CFAP36: variants seen among roughly 807,000 people sequenced by gnomAD.
CFAP36 encodes the protein cilia and flagella associated protein 36.
A neutral mutation model predicts 50.5 loss-of-function variants in CFAP36; 37 were observed. That is an observed-to-expected ratio of 0.73 (90% CI 0.56 to 0.96). The LOEUF (loss-of-function observed/expected upper bound fraction) is 0.96, where lower values mean the gene tolerates loss of function less well. CFAP36 is among the 50% of genes least tolerant of loss of function. CFAP36 has a pLI of 0.00. For missense variants in CFAP36, 407 were observed against 396.2 expected (o/e 1.03, Z -0.23); for synonymous variants, 138 against 128.2 (o/e 1.08, Z -0.52).
At chr2:55,534,070 T>C (rs1684420994) in intron 5 of CFAP36, 110 bp downstream of exon 5, 1 of 528,202 alleles carries the variant, frequency 1.9e-6, no homozygotes, top group South Asian at 3.6e-5. Flanking sequence ...AATTCTCTAC[T>C]GAAAACCATC....
chr2:55,523,687 A>T, intron 2 of CFAP36, 34 bp from the exon 3 acceptor site: 1 of 1,385,108 alleles, frequency 7.2e-7, no homozygotes, highest in Non-Finnish European at 1.0e-6. Context: ...GAATTTTTCT[A>T]TGTAATTATA....
chr2:55,545,022 T>A lies in CFAP36; in HGVS notation c.*14T>A. On this transcript the variant is annotated 3_prime_UTR_variant, in exon 10 of 10. Coordinates refer to ENST00000349456, the MANE Select transcript of CFAP36 (RefSeq NM_080667.7). ...ATTAATAAGTAATAATTAAGAACAA[T>A]TTAACAAAATGGAAGTTCAAATTGT... The A allele has an allele frequency of 7.0e-7, 1 of 1,428,282 alleles. No individual in the cohort carries two copies. The highest frequency in any genetic ancestry group is 1.3e-5 in the South Asian group (1 of 78,508). 88.5% of individuals were successfully genotyped at this position (1,428,282 alleles called of 1,614,324 possible).
chr2:55,528,025 C>T (rs922236521), intron 3 of CFAP36, among the ~76,000 whole-genome samples: 1 of 151,406 alleles, frequency 6.6e-6, no homozygotes, highest in African/African-American at 2.4e-5. Context: ...AAAAAATTAG[C>T]AGGGTGATGT....
intron 7 of CFAP36, among the ~76,000 whole-genome samples, chr2:55,541,798 CCTT>C (rs1269648267): frequency 6.6e-6 from 1 of 152,004 alleles, no homozygotes; most frequent in Non-Finnish European, 1.5e-5. Context: ...TAGTGAGAAA[CCTT>C]CTAATTTCTC....
At chr2:55,534,993 C>G (rs1189822823) in intron 5 of CFAP36, among the ~76,000 whole-genome samples, 1 of 152,220 alleles carries the variant, frequency 6.6e-6, no homozygotes, top group Non-Finnish European at 1.5e-5. Flanking sequence ...TGAGACAACA[C>G]AGAATGCTTT....
rs547514597 is a variant in CFAP36 at position 55,537,658 on chromosome 2, TC to T, written c.640+74del. The T allele has an allele frequency of 1.3e-4, 126 of 968,312 alleles. No individual in the cohort carries two copies. In the African/African-American group the frequency reaches 1.8e-3, roughly 14 times the overall value. 60.0% of individuals were successfully genotyped at this position (968,312 alleles called of 1,614,324 possible). On this transcript the variant is annotated intron_variant, in intron 7 of 9. Transcript: ENST00000349456. ...ACACCATATAGAATGTGCCACTTTC[TC>T]ATACTTATTTAACTTCAAAAGCCCT... is the stretch of plus-strand genomic sequence containing the variant.
chr2:55,539,835 T>G (rs1231569182), intron 7 of CFAP36, among the ~76,000 whole-genome samples: 2 of 152,222 alleles, frequency 1.3e-5, no homozygotes, highest in Non-Finnish European at 2.9e-5. Flanking sequence ...GGTATCTCAT[T>G]GTTGTTTTAT....
intron 9 of CFAP36, among the ~76,000 whole-genome samples, 196 bp downstream of exon 9, chr2:55,544,565 C>T (rs1558917000): frequency 2.0e-5 from 3 of 152,084 alleles, no homozygotes; most frequent in African/African-American, 4.8e-5. Flanking sequence ...CAGAAAATAG[C>T]GGTGTCATTA....
At chr2:55,530,535 C>T (rs1302308213) in intron 4 of CFAP36, among the ~76,000 whole-genome samples, 1 of 152,140 alleles carries the variant, frequency 6.6e-6, no homozygotes, top group African/African-American at 2.4e-5. Context: ...CCCTATTAAC[C>T]CTGGTTGGCT....
chr2:55,534,062 T>G, intron 5 of CFAP36, 102 bp downstream of exon 5: 1 of 559,476 alleles, frequency 1.8e-6, no homozygotes. Flanking sequence ...AATTGCTAAA[T>G]TCTCTACTGA....
chr2:55,529,859 G>T (rs1489857828), intron 4 of CFAP36, among the ~76,000 whole-genome samples: 1 of 152,004 alleles, frequency 6.6e-6, no homozygotes, highest in East Asian at 1.9e-4. Context: ...TGTTAGCCAG[G>T]ATGGTCTCGA....
chr2:55,535,663 T>C (rs758464566), intron 5 of CFAP36, 49 bp from the exon 6 acceptor site: 2 of 1,392,194 alleles, frequency 1.4e-6, no homozygotes, highest in South Asian at 2.9e-5. Context: ...ATTTGTTCTT[T>C]GACCAAAAAA....
At chr2:55,529,308 G>T (rs1684294015) in intron 4 of CFAP36, among the ~76,000 whole-genome samples, 1 of 152,020 alleles carries the variant, frequency 6.6e-6, no homozygotes, top group Non-Finnish European at 1.5e-5. Context: ...TGTAGTCCCA[G>T]CTACTTGGGA....
chr2:55,543,990 G>A lies in CFAP36; in HGVS notation c.693G>A (p.Val231=), dbSNP rs1684708232. 2 of 1,613,766 alleles carry A rather than the reference G, an allele frequency of 1.2e-6. No individual in the cohort carries two copies. Among genetic ancestry groups the A allele is most frequent in the African/African-American group, 2.7e-5 (2 of 74,882 alleles). The change falls in exon 8 of 10, where the codon GTG becomes GTA. Residue 231 remains valine (V), a synonymous_variant. Coordinates refer to ENST00000349456, the MANE Select transcript of CFAP36 (RefSeq NM_080667.7). The part of the protein sequence containing the change: ...NQSIEPLGRK[V]ERSETSSLPQ... ...CAATAGAACCTTTGGGAAGAAAAGTGGAAAGGTCTGAAACTTCCTCCCTCC... is the reference window on the plus strand; with the variant it reads ...CAATAGAACCTTTGGGAAGAAAAGTAGAAAGGTCTGAAACTTCCTCCCTCC...
intron 7 of CFAP36, among the ~76,000 whole-genome samples, chr2:55,538,066 G>A (rs921530965): frequency 1.3e-5 from 2 of 152,078 alleles, no homozygotes; most frequent in African/African-American, 4.8e-5. Context: ...AAATTTATAG[G>A]AATCCTTGTA....
In CFAP36 at chr2:55,523,723, T is replaced by C; in HGVS notation, c.183T>C (p.Val61=). The part of the protein sequence containing the change: ...TEIHQEYKEL[V]EKLLEGYLKE... ...AAAGTTAAACTTTGTTTTTTTAGGT[T>C]GAAAAGCTGTTAGAAGGTTACCTCA... Residue 61 remains valine (V), a splice_region_variant and synonymous_variant, in exon 3 of 10, where the codon GTT becomes GTC. Transcript: ENST00000349456. 6.3e-7 allele frequency: 1 copy of C among 1,587,258 alleles called. No individual in the cohort carries two copies. Among genetic ancestry groups the C allele is most frequent in the Non-Finnish European group, 8.6e-7 (1 of 1,164,318 alleles).
chr2:55,529,193 G>C (rs759806698), intron 4 of CFAP36, among the ~76,000 whole-genome samples: 1 of 151,924 alleles, frequency 6.6e-6, no homozygotes, highest in Non-Finnish European at 1.5e-5. Context: ...AGGCTGAGGC[G>C]GGCAGACCAT....
intron 4 of CFAP36, among the ~76,000 whole-genome samples, chr2:55,529,806 C>T (rs753675056): frequency 9.9e-5 from 15 of 152,012 alleles, no homozygotes; most frequent in South Asian, 2.1e-4. Flanking sequence ...GCCACCACTC[C>T]GGGCTAATTT....
intron 4 of CFAP36, 37 bp downstream of exon 4, chr2:55,529,029 C>A: frequency 1.4e-6 from 2 of 1,416,802 alleles, no homozygotes; most frequent in Non-Finnish European, 2.0e-6. Context: ...GTACTAAATG[C>A]ATTTTTTTTT....
Sources: gnomAD v4.1 joint callset for allele counts (sites outside exome capture counted in the v4.1 genomes callset) on GRCh38, gnomAD v4.1.1 for gene constraint, MANE v1.5 for transcripts, NCBI Gene and HGNC (gene_info 2026-07-23, HGNC 2026-07-21) for gene names.